Variants in FOLH1 observed in about 807,000 individuals in gnomAD.
FOLH1 encodes folate hydrolase 1, also known as glutamate carboxypeptidase 2.
A neutral mutation model predicts 93.9 loss-of-function variants in FOLH1; 54 were observed. That is an observed-to-expected ratio of 0.57 (90% CI 0.46 to 0.72). FOLH1 has a LOEUF of 0.72. Among genes scored for constraint, FOLH1 ranks in the 30% least tolerant of loss-of-function variants. FOLH1 has a pLI of 0.00. For synonymous variants in FOLH1, 249 were observed against 303.6 expected, an observed-to-expected ratio of 0.82 and a Z score of 1.87; for missense variants, 571 against 892.5, an observed-to-expected ratio of 0.64 and a Z score of 4.59.
intron 17 of FOLH1, among the ~76,000 whole-genome samples, chr11:49,150,336 A>G (rs915537432): frequency 2.6e-5 from 4 of 152,194 alleles, no homozygotes; most frequent in Non-Finnish European, 5.9e-5. Context: ...GCTCAGGCTT[A>G]TAAAAGCACA....
chr11:49,161,665 C>T (rs1325007712), intron 13 of FOLH1, among the ~76,000 whole-genome samples: 1 of 152,160 alleles, frequency 6.6e-6, no homozygotes, highest in Non-Finnish European at 1.5e-5. Flanking sequence ...TTGATCCTGT[C>T]ATCATGATGT....
At chr11:49,166,994 GACAATACT>G (rs1335403039) in intron 12 of FOLH1, among the ~76,000 whole-genome samples, 1 of 151,232 alleles carries the variant, frequency 6.6e-6, no homozygotes, top group Non-Finnish European at 1.5e-5. Flanking sequence ...AACTATCCTG[GACAATACT>G]ACAAGATCTC....
intron 7 of FOLH1, among the ~76,000 whole-genome samples, chr11:49,182,545 C>T (rs555146096): frequency 1.9e-4 from 27 of 139,146 alleles, no homozygotes; most frequent in Admixed American, 1.8e-3. Context: ...TCCTCCCAGA[C>T]GTAGCCAGTA....
chr11:49,175,428 A>G (rs1015150074), intron 8 of FOLH1, among the ~76,000 whole-genome samples: 1 of 152,170 alleles, frequency 6.6e-6, no homozygotes, highest in African/African-American at 2.4e-5. Flanking sequence ...CATGAGTTCA[A>G]TCTTCCCTGG....
chr11:49,190,809 G>A (rs988401853), intron 4 of FOLH1, among the ~76,000 whole-genome samples: 3 of 152,114 alleles, frequency 2.0e-5, no homozygotes, highest in Admixed American at 6.5e-5. Context: ...AAAGATTACT[G>A]ATCGTGAATT....
intron 2 of FOLH1, 88 bp downstream of exon 2, chr11:49,205,979 C>T: frequency 3.2e-6 from 4 of 1,261,300 alleles, no homozygotes; most frequent in Admixed American, 2.6e-5. Flanking sequence ...GAAAAAAGTC[C>T]AGTTCCTATA....
chr11:49,157,697 A>G (rs1200030178), intron 14 of FOLH1, among the ~76,000 whole-genome samples: 1 of 152,052 alleles, frequency 6.6e-6, no homozygotes, highest in Non-Finnish European at 1.5e-5. Context: ...GAAATGACCA[A>G]TCTTTATAAT....
intron 12 of FOLH1, among the ~76,000 whole-genome samples, chr11:49,165,525 G>A (rs754017170): frequency 6.6e-6 from 1 of 152,182 alleles, no homozygotes; most frequent in Non-Finnish European, 1.5e-5. Flanking sequence ...AGGGGCTGCT[G>A]ACTCAGGAGG....
At chr11:49,167,907 A>C (rs1008905896) in intron 12 of FOLH1, among the ~76,000 whole-genome samples, 3 of 101,618 alleles carry the variant, frequency 3.0e-5, no homozygotes, top group African/African-American at 7.8e-5. Flanking sequence ...GAAACAAAAA[A>C]ACACACACAA....
Position 49,169,278 on chromosome 11 carries a change from T to C in FOLH1, c.1309-20A>G. ...ATTCTCCTATAATAAAAAGGAAAAC[T>C]ATAAATATAAAGTTATAACCCACTC... On this transcript the variant is annotated intron_variant, in intron 11 of 18. Transcript: ENST00000256999. 2 of 1,608,516 alleles carry C rather than the reference T, an allele frequency of 1.2e-6. No homozygotes were observed. The highest frequency in any genetic ancestry group is 1.7e-6 in the Non-Finnish European group (2 of 1,175,752).
chr11:49,157,673 C>A (rs560131531), intron 14 of FOLH1, among the ~76,000 whole-genome samples: 1 of 151,886 alleles, frequency 6.6e-6, no homozygotes, highest in Non-Finnish European at 1.5e-5. Context: ...TCTCATCCCA[C>A]GCATTTCATA....
intron 11 of FOLH1, 68 bp from the exon 12 acceptor site, chr11:49,169,326 T>G (rs1253660682): frequency 2.1e-6 from 3 of 1,447,828 alleles, no homozygotes; most frequent in Non-Finnish European, 2.9e-6. Context: ...AAAATGCACA[T>G]CTACATTTAA....
intron 6 of FOLH1, among the ~76,000 whole-genome samples, chr11:49,185,024 T>G (rs1454682758): frequency 2.6e-5 from 4 of 152,144 alleles, no homozygotes; most frequent in Non-Finnish European, 5.9e-5. Flanking sequence ...AGCTTTAGGG[T>G]TGTTAATGCA....
chr11:49,164,487 G>T (rs781175809), intron 13 of FOLH1, among the ~76,000 whole-genome samples: 2 of 152,224 alleles, frequency 1.3e-5, no homozygotes, highest in East Asian at 1.9e-4. Flanking sequence ...TGGTAGACAT[G>T]ATGCTACTAA....
intron 17 of FOLH1, among the ~76,000 whole-genome samples, chr11:49,153,536 G>A (rs1044879536): frequency 2.0e-5 from 3 of 151,970 alleles, no homozygotes; most frequent in African/African-American, 7.3e-5. Flanking sequence ...CAGGAGGGAG[G>A]GACTGACATT....
intron 11 of FOLH1, among the ~76,000 whole-genome samples, chr11:49,169,780 G>A (rs928672896): frequency 6.6e-6 from 1 of 152,088 alleles, no homozygotes; most frequent in Non-Finnish European, 1.5e-5. Context: ...CCATCTCCTG[G>A]TCAATATTGA....
chr11:49,160,035 C>T (rs1250689794), intron 13 of FOLH1, among the ~76,000 whole-genome samples: 1 of 152,002 alleles, frequency 6.6e-6, no homozygotes, highest in Non-Finnish European at 1.5e-5. Flanking sequence ...GCTTCAGCCT[C>T]CCGAGCAGCT....
chr11:49,199,467 C>A lies in FOLH1; in HGVS notation c.411+788G>T, dbSNP rs1303124889. Among the ~76,000 whole-genome samples, 2 of 152,180 alleles carry A rather than the reference C, an allele frequency of 1.3e-5. 1 individual carries two copies. The highest frequency in any genetic ancestry group is 4.8e-5 in the African/African-American group (2 of 41,428). The stretch of plus-strand genomic sequence containing the variant: ...CTTGTCCTCTCCAAATGTCCACACA[C>A]AAATTCTTCGCACAGAGTTCAACCT... On this transcript the variant is annotated intron_variant, in intron 3 of 18. Transcript: ENST00000256999.
intron 1 of FOLH1, among the ~76,000 whole-genome samples, chr11:49,207,297 T>C (rs1411744986): frequency 6.6e-6 from 1 of 152,194 alleles, no homozygotes; most frequent in Non-Finnish European, 1.5e-5. Context: ...AATACAGGGA[T>C]GAGAGTGAGG....
Sources: gnomAD v4.1 joint callset for allele counts (sites outside exome capture counted in the v4.1 genomes callset) on GRCh38, gnomAD v4.1.1 for gene constraint, MANE v1.5 for transcripts, NCBI Gene and HGNC (gene_info 2026-07-23, HGNC 2026-07-21) for gene names.